HS3ST1: variants seen among roughly 807,000 people sequenced by gnomAD.
HS3ST1 encodes the protein heparan sulfate-glucosamine 3-sulfotransferase 1, also known as heparan sulfate glucosamine 3-O-sulfotransferase 1.
In HS3ST1, 8 loss-of-function variants were observed where a neutral mutation model predicts 20.7. The observed-to-expected ratio is 0.39, with a 90% confidence interval of 0.23 to 0.70. HS3ST1 has a LOEUF of 0.70. HS3ST1 is among the 30% of genes least tolerant of loss of function. HS3ST1 has a pLI of 0.46. For synonymous variants in HS3ST1, 205 were observed against 190.4 expected (o/e 1.08, Z -0.63); for missense variants, 436 against 423.4 (o/e 1.03, Z -0.26).
At chr4:11,405,730 C>T (rs1483994579) in intron 1 of HS3ST1, among the ~76,000 whole-genome samples, 2 of 151,824 alleles carry the variant, frequency 1.3e-5, no homozygotes, top group East Asian at 1.9e-4. Flanking sequence ...CGTGATTGGG[C>T]GACATCACCT....
upstream of HS3ST1, among the ~76,000 whole-genome samples, chr4:11,432,175 A>T (rs1232246278): frequency 1.2e-4 from 18 of 151,976 alleles, no homozygotes; most frequent in Non-Finnish European, 5.9e-5. Context: ...GGAGAGAGAG[A>T]AAAAGAGAGA....
rs370389171 is a variant in HS3ST1, at chr4:11,399,147, C to T, written c.859G>A (p.Glu287Lys). 3 of 1,613,948 alleles carry T rather than the reference C, an allele frequency of 1.9e-6. No homozygotes were observed. Among genetic ancestry groups the T allele is most frequent in the African/African-American group, 2.7e-5 (2 of 74,912 alleles). Residue 287 changes from glutamate (E) to lysine (K), a missense_variant, in exon 2 of 2, where the codon GAA becomes AAA. Transcript: ENST00000002596. This position sits in a 1 kb window ranked among gnomAD's most constrained non-coding sequence, Gnocchi z 5.1. ...TTCTTATTTGGCTCATGAAAATATT[C>T]GTGCAGTTTATTGAGTAGTTTGGGA... The part of the protein sequence containing the change: ...VDPKLLNKLH[E>K]YFHEPNKKFF...
upstream of HS3ST1, among the ~76,000 whole-genome samples, chr4:11,431,363 G>A (rs1254633344): frequency 1.3e-5 from 2 of 152,056 alleles, no homozygotes; most frequent in African/African-American, 4.8e-5. Context: ...GTAGTTGACT[G>A]CAAAAGTGTC....
At chr4:11,431,834 T>G (rs1719212144), upstream of HS3ST1, among the ~76,000 whole-genome samples, 1 of 152,192 alleles carries the variant, frequency 6.6e-6, no homozygotes, top group South Asian at 2.1e-4. Context: ...CTTTTGTTCA[T>G]TTTACAAATG....
At chr4:11,433,034 T>A (rs1363424671), upstream of HS3ST1, among the ~76,000 whole-genome samples, 2 of 152,226 alleles carry the variant, frequency 1.3e-5, no homozygotes, top group Non-Finnish European at 2.9e-5. Flanking sequence ...TGAGGTCCAG[T>A]TATGACTTTT....
chr4:11,426,373 C>CCA (rs397734421), intron 1 of HS3ST1, among the ~76,000 whole-genome samples: 1,551 of 151,186 alleles, frequency 0.01, 20 homozygotes, highest in African/African-American at 0.037. Context: ...GCCCCCCCCC[C>CCA]AACCCTCACA....
chr4:11,413,111 C>A (rs567422121), intron 1 of HS3ST1, among the ~76,000 whole-genome samples: 1 of 152,288 alleles, frequency 6.6e-6, no homozygotes, highest in African/African-American at 2.4e-5. Context: ...TGTGAGAAGT[C>A]AGTTTCTGTT....
At chr4:11,420,331 C>T (rs1560236851) in intron 1 of HS3ST1, among the ~76,000 whole-genome samples, 2 of 152,224 alleles carry the variant, frequency 1.3e-5, no homozygotes, top group South Asian at 2.1e-4. Flanking sequence ...CGTCATGCTC[C>T]AGCAGTCGCA....
At chr4:11,413,163 C>A (rs1213838351) in intron 1 of HS3ST1, among the ~76,000 whole-genome samples, 2 of 151,898 alleles carry the variant, frequency 1.3e-5, no homozygotes, top group Admixed American at 6.6e-5. Flanking sequence ...TCATAGTAGC[C>A]CTAATTAACT....
chr4:11,417,888 G>A (rs897443392), intron 1 of HS3ST1, among the ~76,000 whole-genome samples: 6 of 152,348 alleles, frequency 3.9e-5, no homozygotes, highest in African/African-American at 1.4e-4. Context: ...AAGTGTAATT[G>A]TTGCCCAAAG....
At chr4:11,423,802 A>G (rs1462680284) in intron 1 of HS3ST1, among the ~76,000 whole-genome samples, 1 of 152,112 alleles carries the variant, frequency 6.6e-6, no homozygotes, top group East Asian at 1.9e-4. Flanking sequence ...CCATGTCCCT[A>G]CACTCTTGCC....
chr4:11,410,906 TAAA>T, intron 1 of HS3ST1, among the ~76,000 whole-genome samples: 1 of 151,524 alleles, frequency 6.6e-6, no homozygotes, highest in South Asian at 2.1e-4. Flanking sequence ...AATAAATAAA[TAAA>T]TAAATAAATA....
At chr4:11,417,143 T>TA (rs1219518673) in intron 1 of HS3ST1, among the ~76,000 whole-genome samples, 3 of 152,230 alleles carry the variant, frequency 2.0e-5, no homozygotes, top group South Asian at 4.2e-4. Flanking sequence ...TTTCATTATT[T>TA]AAAAAAACAA....
rs907755775 is a variant in HS3ST1 at position 11,394,702 on chromosome 4, C to G, written c.*4380G>C. On this transcript the variant is annotated 3_prime_UTR_variant, in exon 2 of 2. Transcript: ENST00000002596. Reference sequence around the variant, plus strand: ...TGCTTTATATCTTCCTCCACTTACCCACAAATAGATGGACTGAAAAGGAGC... The same window carrying G: ...TGCTTTATATCTTCCTCCACTTACCGACAAATAGATGGACTGAAAAGGAGC... 3.3e-5 allele frequency: 5 copies of G among 152,204 alleles called. No individual in the cohort carries two copies. In the East Asian group the frequency reaches 7.7e-4, roughly 23 times the overall value. The allele number at this position is 152,204 out of a possible 1,614,324, so 9.4% of individuals were successfully genotyped here. A position where few individuals can be genotyped will look rare whatever the true frequency, so the allele number is the denominator to read the frequency against.
In HS3ST1 at chr4:11,393,982, A is replaced by G. The variant is rs902833451; in HGVS notation, c.*5100T>C. 6.6e-6 allele frequency: 1 copy of G among 152,224 alleles called. No homozygotes were observed. Among genetic ancestry groups the G allele is most frequent in the Non-Finnish European group, 1.5e-5 (1 of 68,050 alleles). 9.4% of individuals were successfully genotyped at this position (152,224 alleles called of 1,614,324 possible). On this transcript the variant is annotated 3_prime_UTR_variant, in exon 2 of 2. Coordinates refer to ENST00000002596, the MANE Select transcript of HS3ST1 (RefSeq NM_005114.4). The stretch of plus-strand genomic sequence containing the variant: ...AGCTCTGGATGGAGCATTAACAGCA[A>G]TAGCTACAGTCACATAGCTGGGAAG...
chr4:11,416,137 C>G (rs1234170947), intron 1 of HS3ST1, among the ~76,000 whole-genome samples: 1 of 152,144 alleles, frequency 6.6e-6, no homozygotes, highest in Non-Finnish European at 1.5e-5. Flanking sequence ...ACTTTAAACC[C>G]TTCATGAGAT....
At chr4:11,428,174 TC>T (rs1239621131) in intron 1 of HS3ST1, among the ~76,000 whole-genome samples, 11 of 152,358 alleles carry the variant, frequency 7.2e-5, no homozygotes, top group African/African-American at 2.6e-4. Context: ...TCAATCTCTC[TC>T]TTTGGGAGAT....
chr4:11,393,150 T>G lies in HS3ST1; in HGVS notation c.*5932A>C, dbSNP rs892326598. 1.3e-5 allele frequency: 2 copies of G among 152,228 alleles called. No homozygotes were observed. Among genetic ancestry groups the G allele is most frequent in the African/African-American group, 4.8e-5 (2 of 41,456 alleles). 9.4% of individuals were successfully genotyped at this position (152,228 alleles called of 1,614,324 possible). A position where few individuals can be genotyped will look rare whatever the true frequency, so the allele number is the denominator to read the frequency against. On this transcript the variant is annotated 3_prime_UTR_variant, in exon 2 of 2. Transcript: ENST00000002596. ...ATCAAAAGAAAGAGACATCCATGTA[T>G]TAGTTCTAAGTGGAATATTTATCAA...
chr4:11,417,709 CAT>C (rs1286006737), intron 1 of HS3ST1, among the ~76,000 whole-genome samples: 3 of 152,056 alleles, frequency 2.0e-5, no homozygotes, highest in Non-Finnish European at 2.9e-5. Context: ...GAGAGATTAA[CAT>C]AGAGAAATAT....
Sources: gnomAD v4.1 joint callset for allele counts (sites outside exome capture counted in the v4.1 genomes callset) on GRCh38, gnomAD v4.1.1 for gene constraint, Gnocchi (gnomAD v3.1) non-coding constraint, MANE v1.5 for transcripts, NCBI Gene and HGNC (gene_info 2026-07-23, HGNC 2026-07-21) for gene names.